The following NOC3L variants were observed in gnomAD, a reference collection of about 807,000 sequenced individuals.
The protein encoded by NOC3L is NOC3 like DNA replication regulator, also known as nucleolar complex protein 3 homolog.
Under a neutral mutation model 102.5 loss-of-function variants are expected in NOC3L, and 85 were observed. The observed-to-expected ratio is 0.83, with a 90% CI of 0.70 to 0.99. NOC3L has a LOEUF of 0.99. NOC3L is among the 50% of genes least tolerant of loss of function. NOC3L has a pLI of 0.00. For missense variants in NOC3L, 878 were observed against 914.9 expected (o/e 0.96, Z 0.52); for synonymous variants, 303 against 309.4 (o/e 0.98, Z 0.22).
At chr10:94,347,882 T>C (rs891732535) in intron 10 of NOC3L, among the ~76,000 whole-genome samples, 3 of 151,998 alleles carry the variant, frequency 2.0e-5, no homozygotes, top group Non-Finnish European at 4.4e-5. Context: ...GTGGACTATT[T>C]TGAGGGAAGG....
chr10:94,325,180 A>T, the NOC3L span: 7 of 1,052,178 alleles, frequency 6.7e-6, no homozygotes, highest in Admixed American at 1.8e-5. Flanking sequence ...AATTAGTACA[A>T]TGTCTTTTAT....
intron 14 of NOC3L, among the ~76,000 whole-genome samples, chr10:94,340,705 G>A (rs935107678): frequency 5.9e-5 from 9 of 151,966 alleles, no homozygotes; most frequent in Non-Finnish European, 1.3e-4. Flanking sequence ...CTCAGGGCCG[G>A]GCGCGGTGGC....
chr10:94,324,981 A>G, the NOC3L span: 34 of 1,614,040 alleles, frequency 2.1e-5, no homozygotes, highest in Non-Finnish European at 2.7e-5. Flanking sequence ...GAGGACTTAC[A>G]TCACCTTCTC....
downstream of NOC3L, chr10:94,329,370 A>G (rs2054129079): frequency 6.6e-6 from 1 of 152,220 alleles, no homozygotes; most frequent in African/African-American, 2.4e-5. Context: ...ACTTTTCTTC[A>G]AATTACAAAA....
chr10:94,350,956 T>C (rs1205533957), intron 8 of NOC3L, among the ~76,000 whole-genome samples: 7 of 152,044 alleles, frequency 4.6e-5, no homozygotes, highest in Admixed American at 4.6e-4. Flanking sequence ...ATTTTTAAAA[T>C]TTATTACATG....
At position 94,344,906 on chromosome 10, in the gene NOC3L, G is replaced by A. The variant is rs141399172; in HGVS notation, c.1417C>T (p.Arg473Ter). ...KWKKAEEKLE[R>*]ELREAEASES... ...GAAGCTTCTGCCTCTCGAAGCTCTCGCTCTAGTTTCTCTTCTGCTTTCTTC... is the reference window on the plus strand; with the variant it reads ...GAAGCTTCTGCCTCTCGAAGCTCTCACTCTAGTTTCTCTTCTGCTTTCTTC... Residue 473 changes from arginine (R) to a stop codon, truncating the protein, a stop_gained, in exon 12 of 21, where the codon CGA (arginine) becomes TGA (stop). Transcript: ENST00000371361. LOFTEE classifies it high-confidence loss of function. 160 of 1,610,710 alleles carry A rather than the reference G, an allele frequency of 9.9e-5. No individual in the cohort carries two copies. Among genetic ancestry groups the A allele is most frequent in the Non-Finnish European group, 1.3e-4 (155 of 1,179,362 alleles).
At chr10:94,327,942 A>C in the NOC3L span, 2 of 529,230 alleles carry the variant, frequency 3.8e-6, no homozygotes, top group African/African-American at 3.9e-5. Flanking sequence ...CAGTATACTA[A>C]TAAGCCTCTG....
At chr10:94,340,959 T>G (rs914559852) in intron 14 of NOC3L, among the ~76,000 whole-genome samples, 3 of 142,462 alleles carry the variant, frequency 2.1e-5, no homozygotes, top group Non-Finnish European at 4.5e-5. Context: ...CCAGCCTGGG[T>G]GACAGAGCAA....
At chr10:94,361,113 A>G (rs1349131001) in intron 2 of NOC3L, among the ~76,000 whole-genome samples, 2 of 152,246 alleles carry the variant, frequency 1.3e-5, no homozygotes, top group Non-Finnish European at 2.9e-5. Context: ...AAGTACCAGC[A>G]AAGTTGTAGA....
chr10:94,356,647 G>A, intron 4 of NOC3L, 56 bp from the exon 5 acceptor site: 1 of 1,035,456 alleles, frequency 9.7e-7, no homozygotes, highest in East Asian at 2.4e-5. Flanking sequence ...GGTAAAAACT[G>A]TAAAGAAATG....
Position 94,341,675 on chromosome 10 carries a change from C to G in NOC3L, c.1642G>C (p.Gly548Arg). 2 of 1,471,454 alleles carry G rather than the reference C, an allele frequency of 1.4e-6. No individual in the cohort carries two copies. The highest frequency in any genetic ancestry group is 1.8e-6 in the Non-Finnish European group (2 of 1,086,634). 91.1% of individuals were successfully genotyped at this position (1,471,454 alleles called of 1,614,324 possible). Residue 548 changes from glycine (G) to arginine (R), a missense_variant and splice_region_variant, in exon 14 of 21, where the codon GGT (glycine) becomes CGT (arginine). Transcript: ENST00000371361. ...LVVLHTLIES[G>R]DLSYQESLHC... ...AAAAATAATTTATTATTACTTACAC[C>G]AGACTCAATGAGAGTATGAAGAACT...
chr10:94,344,553 C>A (rs768890660), intron 12 of NOC3L, 38 bp from the exon 13 acceptor site: 29 of 1,423,814 alleles, frequency 2.0e-5, no homozygotes, highest in Non-Finnish European at 2.9e-5. Flanking sequence ...TTAGGATAAC[C>A]TGGTATGCTT....
the NOC3L span, among the ~76,000 whole-genome samples, chr10:94,319,844 G>A: frequency 3.6e-5 from 5 of 139,312 alleles, no homozygotes; most frequent in Admixed American, 2.1e-4. Context: ...AATAAGCTCT[G>A]AGGGAGGCTC....
intron 5 of NOC3L, among the ~76,000 whole-genome samples, 154 bp from the exon 6 acceptor site, chr10:94,355,247 C>T (rs559373191): frequency 6.6e-6 from 1 of 152,256 alleles, no homozygotes; most frequent in African/African-American, 2.4e-5. Flanking sequence ...CAGGTACTAT[C>T]ATTGGACCCA....
chr10:94,324,474 G>C, the NOC3L span: 1 of 1,614,160 alleles, frequency 6.2e-7, no homozygotes. Context: ...AGTCCTCTCA[G>C]CGGGTCCTTC....
At chr10:94,322,149 T>C in the NOC3L span, 2 of 1,255,476 alleles carry the variant, frequency 1.6e-6, no homozygotes, top group Non-Finnish European at 2.3e-6. Flanking sequence ...ATTTTATGAG[T>C]GAAGTTCCTC....
In NOC3L at chr10:94,352,387, T is replaced by C. The variant is rs754695047; in HGVS notation, c.875A>G (p.Gln292Arg). The C allele has an allele frequency of 2.5e-6, 4 of 1,613,284 alleles. No homozygotes were observed. In the South Asian group the frequency reaches 3.3e-5, roughly 13 times the overall value. ...EKSTKTRKET[Q>R]KLREFEEGLV... ...GCCTTCTTCAAATTCTCTTAACTTC[T>C]GGGTTTCTTTTCGGGTCTGAAAAGA... is the stretch of plus-strand genomic sequence containing the variant. Residue 292 changes from glutamine (Q) to arginine (R), a missense_variant, in exon 8 of 21, where the codon CAG (glutamine) becomes CGG (arginine). Gln to Arg is a conservative substitution (Grantham distance 43). Transcript: ENST00000371361.
intron 13 of NOC3L, among the ~76,000 whole-genome samples, chr10:94,342,824 C>A (rs1032661892): frequency 6.6e-6 from 1 of 151,740 alleles, no homozygotes; most frequent in Non-Finnish European, 1.5e-5. Context: ...ATGGCTCATG[C>A]CTGTAATCCC....
At chr10:94,336,996 G>A (rs1327937018) in intron 19 of NOC3L, among the ~76,000 whole-genome samples, 2 of 151,230 alleles carry the variant, frequency 1.3e-5, no homozygotes, top group African/African-American at 4.9e-5. Context: ...TTGAACCCGG[G>A]AGGCGGAGGT....
Sources: allele counts gnomAD v4.1 joint callset (sites outside exome capture counted in the v4.1 genomes callset), GRCh38; gene constraint gnomAD v4.1.1; transcripts MANE v1.5; gene names NCBI Gene and HGNC (gene_info 2026-07-23, HGNC 2026-07-21).